Variants in BTRC observed in about 807,000 individuals in gnomAD.
BTRC encodes the protein beta-transducin repeat containing E3 ubiquitin protein ligase, also known as F-box/WD repeat-containing protein 1A.
BTRC carries 42 observed loss-of-function variants against 85.5 expected under a neutral mutation model. The ratio of observed to expected loss-of-function variants is 0.49; its 90% CI spans 0.38 to 0.64. The LOEUF is 0.64. Ranked by LOEUF, BTRC falls within the 30% of genes least tolerant of loss-of-function variation. BTRC has a pLI of 0.00. For missense variants in BTRC, 594 were observed against 743.5 expected (o/e 0.80, Z 2.34); for synonymous variants, 255 against 263.3 (o/e 0.97, Z 0.30).
intron 2 of BTRC, among the ~76,000 whole-genome samples, chr10:101,441,390 G>A (rs1944674772): frequency 1.3e-5 from 2 of 152,172 alleles, no homozygotes; most frequent in African/African-American, 4.8e-5. Flanking sequence ...GCAAACATCA[G>A]TGTATTCATA....
intron 2 of BTRC, among the ~76,000 whole-genome samples, chr10:101,430,776 CT>C (rs1410563774): frequency 1.3e-5 from 2 of 152,084 alleles, no homozygotes; most frequent in African/African-American, 4.8e-5. Flanking sequence ...AATATTTGCT[CT>C]GGACCTACAT....
At chr10:101,363,715 G>A (rs757521350) in intron 1 of BTRC, among the ~76,000 whole-genome samples, 8 of 152,096 alleles carry the variant, frequency 5.3e-5, no homozygotes, top group Non-Finnish European at 8.8e-5. Flanking sequence ...CTCTTTAGCA[G>A]CTTTGTAGAA....
At chr10:101,547,481 C>T (rs891789301) in intron 13 of BTRC, among the ~76,000 whole-genome samples, 22 of 151,626 alleles carry the variant, frequency 1.5e-4, no homozygotes, top group African/African-American at 2.4e-5. Flanking sequence ...GCTGGGATTA[C>T]GGGTGCCTGC....
chr10:101,395,408 C>T (rs1297405980), intron 1 of BTRC, among the ~76,000 whole-genome samples: 2 of 152,104 alleles, frequency 1.3e-5, no homozygotes, highest in Non-Finnish European at 2.9e-5. Context: ...CTCCCTTTTG[C>T]TCCAGCTGCT....
chr10:101,470,224 A>G (rs1300210471), intron 3 of BTRC, among the ~76,000 whole-genome samples: 2 of 151,742 alleles, frequency 1.3e-5, no homozygotes, highest in African/African-American at 2.4e-5. Context: ...TGTCAGATAT[A>G]TGTACTCTGA....
intron 6 of BTRC, among the ~76,000 whole-genome samples, chr10:101,529,119 G>A (rs1260790218): frequency 6.6e-6 from 1 of 152,180 alleles, no homozygotes; most frequent in East Asian, 1.9e-4. Context: ...CGTTTATCAT[G>A]TACTCACATT....
chr10:101,358,806 C>G (rs527826745), intron 1 of BTRC, among the ~76,000 whole-genome samples: 2 of 152,064 alleles, frequency 1.3e-5, no homozygotes, highest in African/African-American at 2.4e-5. Context: ...TTTGGAAGTC[C>G]AAGAATGTCA....
chr10:101,373,566 T>C (rs1371181963), intron 1 of BTRC, among the ~76,000 whole-genome samples: 3 of 152,092 alleles, frequency 2.0e-5, no homozygotes, highest in Non-Finnish European at 4.4e-5. Flanking sequence ...GTGAAGATAT[T>C]GGGATGGTCC....
chr10:101,415,817 A>G (rs1441154581), intron 1 of BTRC, among the ~76,000 whole-genome samples: 1 of 152,118 alleles, frequency 6.6e-6, no homozygotes, highest in African/African-American at 2.4e-5. Flanking sequence ...CTGGGATTAC[A>G]GGCATGAGCC....
chr10:101,494,715 A>T (rs973597773), intron 4 of BTRC, among the ~76,000 whole-genome samples: 1 of 152,226 alleles, frequency 6.6e-6, no homozygotes, highest in Non-Finnish European at 1.5e-5. Context: ...TTGAAATCCA[A>T]CCATGAAAAA....
intron 4 of BTRC, among the ~76,000 whole-genome samples, chr10:101,510,186 G>T (rs567905811): frequency 6.6e-6 from 1 of 151,280 alleles, no homozygotes; most frequent in African/African-American, 2.4e-5. Flanking sequence ...AGAAATCAAA[G>T]GAAAATAATC....
At chr10:101,372,711 A>G (rs1942674962) in intron 1 of BTRC, among the ~76,000 whole-genome samples, 1 of 151,526 alleles carries the variant, frequency 6.6e-6, no homozygotes, top group African/African-American at 2.4e-5. Context: ...CTAAAAATAC[A>G]AAAATTAGCC....
chr10:101,354,251 G>C, intron 1 of BTRC, 23 bp downstream of exon 1: 1 of 1,548,428 alleles, frequency 6.5e-7, no homozygotes, highest in Non-Finnish European at 8.7e-7. Flanking sequence ...TGGAGGCCGG[G>C]GAACGGTGGA....
At chr10:101,383,469 G>C (rs1247133357) in intron 1 of BTRC, among the ~76,000 whole-genome samples, 1 of 150,870 alleles carries the variant, frequency 6.6e-6, no homozygotes, top group Non-Finnish European at 1.5e-5. Flanking sequence ...CATTCGAGCA[G>C]ATATTTTGCT....
At chr10:101,405,481 C>G (rs1943598368) in intron 1 of BTRC, among the ~76,000 whole-genome samples, 1 of 152,184 alleles carries the variant, frequency 6.6e-6, no homozygotes, top group Non-Finnish European at 1.5e-5. Flanking sequence ...ACTCCTTAAG[C>G]TAGAACTAGA....
intron 1 of BTRC, among the ~76,000 whole-genome samples, chr10:101,417,796 C>T (rs1039696518): frequency 1.3e-5 from 2 of 152,090 alleles, no homozygotes; most frequent in South Asian, 2.1e-4. Context: ...GCTCAGTCTC[C>T]CAAGTAGCTG....
intron 3 of BTRC, among the ~76,000 whole-genome samples, chr10:101,466,268 T>C (rs1223055023): frequency 6.6e-6 from 1 of 152,146 alleles, no homozygotes; most frequent in African/African-American, 2.4e-5. Flanking sequence ...AAGCATTGAG[T>C]AGAGCTCTCT....
At chr10:101,414,663 A>C in intron 1 of BTRC, 1 of 518,470 alleles carries the variant, frequency 1.9e-6, no homozygotes, top group Non-Finnish European at 3.9e-6. Context: ...AAGACCTTCC[A>C]GTGCCATAAG....
rs559465743 is a variant in BTRC at position 101,518,863 on chromosome 10, T to C, written c.325-2776T>C. 4.6e-5 allele frequency among the ~76,000 whole-genome samples: 7 copies of C among 152,272 alleles called. No individual in the cohort carries two copies. In the East Asian group the frequency reaches 9.6e-4, roughly 21 times the overall value. On this transcript the variant is annotated intron_variant, in intron 4 of 14. Coordinates refer to ENST00000370187, the MANE Select transcript of BTRC (RefSeq NM_033637.4). ...TCTCTAACCACTTAAATAATCCTATTAGTTTTTTGTTAATTGCTGCCTAAT... is the reference window on the plus strand; with the variant it reads ...TCTCTAACCACTTAAATAATCCTATCAGTTTTTTGTTAATTGCTGCCTAAT...
Sources: allele counts gnomAD v4.1 joint callset (sites outside exome capture counted in the v4.1 genomes callset), GRCh38; gene constraint gnomAD v4.1.1; transcripts MANE v1.5; gene names NCBI Gene and HGNC (gene_info 2026-07-23, HGNC 2026-07-21).